Variants in STIM2 observed in about 807,000 individuals in gnomAD.
STIM2 encodes stromal interaction molecule 2.
In STIM2, 31 loss-of-function variants were observed where a neutral mutation model predicts 85.8. The observed-to-expected ratio is 0.36, with a 90% confidence interval of 0.27 to 0.49. STIM2 has a LOEUF of 0.49. STIM2 is among the 20% of genes least tolerant of loss of function. The pLI, the probability that STIM2 is intolerant of heterozygous loss-of-function variation, is 0.98. For missense variants in STIM2, 841 were observed against 927.6 expected (o/e 0.91, Z 1.21); for synonymous variants, 356 against 331.1 (o/e 1.08, Z -0.82).
intron 2 of STIM2, among the ~76,000 whole-genome samples, chr4:26,945,656 G>A (rs4403037): frequency 0.98 from 149,197 of 152,298 alleles, 73,100 homozygotes; most frequent in East Asian, 1. Context: ...CTGGTGTGCA[G>A]TGGTATCTCA....
intron 8 of STIM2, chr4:27,008,121 G>A (rs1728432710): frequency 1.5e-6 from 1 of 653,954 alleles, no homozygotes; most frequent in Non-Finnish European, 2.8e-6. Context: ...TAGCACCATT[G>A]TAGTATAATA....
chr4:26,867,951 G>A (rs1354522426), intron 1 of STIM2, among the ~76,000 whole-genome samples: 2 of 152,162 alleles, frequency 1.3e-5, no homozygotes, highest in African/African-American at 4.8e-5. Flanking sequence ...TTGGGGGTAG[G>A]GAACCCCAGG....
At chr4:27,008,371 C>A in intron 8 of STIM2, 57 bp from the exon 9 acceptor site, 3 of 1,079,398 alleles carry the variant, frequency 2.8e-6, no homozygotes, top group South Asian at 3.4e-5. Context: ...GTTATATATA[C>A]AAAAATGTCT....
chr4:26,875,883 G>A (rs1722798927), intron 1 of STIM2, among the ~76,000 whole-genome samples: 2 of 152,172 alleles, frequency 1.3e-5, no homozygotes, highest in East Asian at 3.8e-4. Context: ...TCATTTGCGT[G>A]TTCTGAATTA....
At chr4:26,990,394 G>T (rs1385034967) in intron 3 of STIM2, among the ~76,000 whole-genome samples, 1 of 152,116 alleles carries the variant, frequency 6.6e-6, no homozygotes, top group Admixed American at 6.6e-5. Context: ...AGGAAAACTG[G>T]ATATCTCTAT....
Position 26,919,566 on chromosome 4 carries a change from C to T in STIM2, c.214C>T (p.Leu72Phe). 6.2e-7 allele frequency: 1 copy of T among 1,613,648 alleles called. No individual in the cohort carries two copies. Among genetic ancestry groups the T allele is most frequent in the Non-Finnish European group, 8.5e-7 (1 of 1,179,740 alleles). ...AGAAGACAGATTTAGTCTGGAAGCT[C>T]TTCAAACAATACATAAACAAATGGA... The change falls in exon 2 of 12, where the codon CTT (leucine) becomes TTT (phenylalanine). Residue 72 changes from leucine to phenylalanine, a missense_variant. Transcript: ENST00000467087.
At chr4:26,997,159 A>G (rs562971020) in intron 4 of STIM2, among the ~76,000 whole-genome samples, 3 of 152,312 alleles carry the variant, frequency 2.0e-5, no homozygotes, top group East Asian at 1.9e-4. Flanking sequence ...TAAAGGGGCA[A>G]TATCAATTAA....
chr4:26,993,258 C>T (rs1301268869), intron 3 of STIM2, among the ~76,000 whole-genome samples: 1 of 152,084 alleles, frequency 6.6e-6, no homozygotes, highest in African/African-American at 2.4e-5. Context: ...ACACCCAGGG[C>T]CTGAACCTTC....
intron 3 of STIM2, among the ~76,000 whole-genome samples, chr4:26,965,186 T>C (rs921537132): frequency 1.3e-5 from 2 of 152,132 alleles, no homozygotes; most frequent in African/African-American, 4.8e-5. Flanking sequence ...GGTCCATTCT[T>C]GAGGTAGAGT....
chr4:26,877,080 A>T (rs1317294195), intron 1 of STIM2, among the ~76,000 whole-genome samples: 1 of 152,040 alleles, frequency 6.6e-6, no homozygotes, highest in Admixed American at 6.6e-5. Flanking sequence ...ATCTTTTCAG[A>T]TAATTCTTTT....
chr4:26,998,753 A>G lies in STIM2; in HGVS notation c.510-479A>G, dbSNP rs199547078. On this transcript the variant is annotated intron_variant, in intron 4 of 11. Coordinates refer to ENST00000467087, the MANE Select transcript of STIM2 (RefSeq NM_020860.4). Reference sequence around the variant, plus strand: ...TGGTGAAACCCCATCTCTACTAAAAATACAAAAAATTACCCAGGCGTGGTG... The same window carrying G: ...TGGTGAAACCCCATCTCTACTAAAAGTACAAAAAATTACCCAGGCGTGGTG... Among the ~76,000 whole-genome samples, 73 of 152,046 alleles carry G rather than the reference A, an allele frequency of 4.8e-4. 2 individuals are homozygous for G. The East Asian group carries it at 0.012, about 25-fold the overall frequency.
chr4:27,018,778 T>C (rs777762669), intron 11 of STIM2, among the ~76,000 whole-genome samples: 1 of 152,234 alleles, frequency 6.6e-6, no homozygotes, highest in South Asian at 2.1e-4. Context: ...CAATTTTATA[T>C]GTAAAATGGA....
rs571663629 is a variant in STIM2 at position 27,017,828 on chromosome 4, C to A, written c.1607C>A (p.Pro536His). 1 of 1,614,058 alleles carries A rather than the reference C, an allele frequency of 6.2e-7. No homozygotes were observed. Among genetic ancestry groups the A allele is most frequent in the Non-Finnish European group, 8.5e-7 (1 of 1,180,044 alleles). ...CGAGCTCAGCTTGCTCCACACGCCCCCCACCCGTCACACCCTCGGCACCCT... is the reference window on the plus strand; with the variant it reads ...CGAGCTCAGCTTGCTCCACACGCCCACCACCCGTCACACCCTCGGCACCCT... The change falls in exon 11 of 12, where the codon CCC becomes CAC. Residue 536 changes from proline (P) to histidine (H), a missense_variant. Physicochemically the swap from Pro to His is moderately conservative, Grantham distance 77. Coordinates refer to ENST00000467087, the MANE Select transcript of STIM2 (RefSeq NM_020860.4).
chr4:26,877,476 G>C (rs1722854587), intron 1 of STIM2, among the ~76,000 whole-genome samples: 2 of 146,332 alleles, frequency 1.4e-5, no homozygotes, highest in African/African-American at 5.0e-5. Flanking sequence ...GGTAATCTCT[G>C]TTTGGTTCTG....
chr4:26,954,908 G>T (rs1726187160), intron 2 of STIM2, among the ~76,000 whole-genome samples: 1 of 147,296 alleles, frequency 6.8e-6, no homozygotes, highest in Admixed American at 6.7e-5. Context: ...TTTTAAAACA[G>T]AAGTATTTTT....
chr4:26,958,728 T>C (rs1448302348), intron 3 of STIM2, among the ~76,000 whole-genome samples: 1 of 152,060 alleles, frequency 6.6e-6, no homozygotes, highest in Non-Finnish European at 1.5e-5. Flanking sequence ...CATTTTAAAA[T>C]AACATGAGCT....
chr4:26,906,017 C>A (rs1484839325), intron 1 of STIM2, among the ~76,000 whole-genome samples: 1 of 151,910 alleles, frequency 6.6e-6, no homozygotes, highest in Non-Finnish European at 1.5e-5. Flanking sequence ...AGTTTTATAT[C>A]TTTAATCCAG....
intron 1 of STIM2, among the ~76,000 whole-genome samples, chr4:26,906,783 A>C (rs544515135): frequency 6.6e-6 from 1 of 152,042 alleles, no homozygotes; most frequent in African/African-American, 2.4e-5. Flanking sequence ...AAACACATGC[A>C]GTGAAACCCC....
At chr4:26,997,392 G>A (rs995581030) in intron 4 of STIM2, among the ~76,000 whole-genome samples, 4 of 151,976 alleles carry the variant, frequency 2.6e-5, no homozygotes, top group Admixed American at 6.6e-5. Context: ...TAAACCTTTC[G>A]CTGTGTTTTC....
Sources: gnomAD v4.1 joint callset for allele counts (sites outside exome capture counted in the v4.1 genomes callset) on GRCh38, gnomAD v4.1.1 for gene constraint, MANE v1.5 for transcripts, NCBI Gene and HGNC (gene_info 2026-07-23, HGNC 2026-07-21) for gene names.